DLGAP1: variants seen among roughly 807,000 people sequenced by gnomAD.
The protein encoded by DLGAP1 is DLG associated protein 1.
DLGAP1 carries 11 observed loss-of-function variants against 90.8 expected under a neutral mutation model. The ratio of observed to expected loss-of-function variants is 0.12; its 90% CI spans 0.08 to 0.20. The LOEUF is 0.20. DLGAP1 is among the 10% of genes least tolerant of loss of function. The pLI is 1.00. For missense variants in DLGAP1, 1,050 were observed against 1,333.8 expected (o/e 0.79, Z 3.31); for synonymous variants, 558 against 540.7 (o/e 1.03, Z -0.44).
rs534114989 is a variant in DLGAP1 at position 4,131,223 on chromosome 18, C to T, written c.-159+19957G>A. Among the ~76,000 whole-genome samples, 8 of 150,966 alleles carry T rather than the reference C, an allele frequency of 5.3e-5. No individual in the cohort carries two copies. In the East Asian group the frequency reaches 5.8e-4, roughly 11 times the overall value. On this transcript the variant is annotated intron_variant, in intron 2 of 12. Coordinates refer to ENST00000315677, the MANE Select transcript of DLGAP1 (RefSeq NM_004746.4). Reference sequence around the variant, plus strand: ...GTGTGTGTGTGTGTGCGTGCAAGCACGTGTAAGAGAGAGAGCAAGAACAGT... The same window carrying T: ...GTGTGTGTGTGTGTGCGTGCAAGCATGTGTAAGAGAGAGAGCAAGAACAGT...
At chr18:4,445,207 A>G (rs1451997684) in intron 1 of DLGAP1, among the ~76,000 whole-genome samples, 3 of 152,190 alleles carry the variant, frequency 2.0e-5, no homozygotes, top group African/African-American at 4.8e-5. Context: ...CCAAATGCTT[A>G]GATGTTCCAG....
At position 3,534,550 on chromosome 18, in the gene DLGAP1, T is replaced by A. The variant is rs963658221; in HGVS notation, c.2123A>T (p.Asp708Val). 6.2e-7 allele frequency: 1 copy of A among 1,613,738 alleles called. No homozygotes were observed. ...AGATTCCAGAGAATTTTCCAGATTA[T>A]CATGGAAGTCCAGGTCGGCCTGTAC... is the stretch of plus-strand genomic sequence containing the variant. ...TAVQADLDFH[D>V]NLENSLESIE... Residue 708 changes from aspartate to valine, a missense_variant, in exon 10 of 13, where the codon GAT becomes GTT. Around this residue, in one of 2 missense-constraint regions of DLGAP1, gnomAD observed 565 missense variants for 879.7 expected, o/e 0.64. Transcript: ENST00000315677.
chr18:4,240,882 C>T (rs1331203907), intron 1 of DLGAP1, among the ~76,000 whole-genome samples: 2 of 152,178 alleles, frequency 1.3e-5, no homozygotes, highest in African/African-American at 4.8e-5. Context: ...TACGAACTTA[C>T]ACAATTTCAT....
chr18:3,601,545 GA>G (rs2057024073), intron 7 of DLGAP1, among the ~76,000 whole-genome samples: 1 of 151,648 alleles, frequency 6.6e-6, no homozygotes, highest in Non-Finnish European at 1.5e-5. Context: ...TTCACAGATA[GA>G]AAAATAAAAC....
intron 2 of DLGAP1, among the ~76,000 whole-genome samples, chr18:4,091,027 G>T (rs1301315019): frequency 6.6e-6 from 1 of 152,202 alleles, no homozygotes; most frequent in Non-Finnish European, 1.5e-5. Context: ...TCATTCAAAA[G>T]TGGGAGCTGA....
chr18:3,794,817 A>G (rs528289880), intron 5 of DLGAP1, among the ~76,000 whole-genome samples: 1 of 152,210 alleles, frequency 6.6e-6, no homozygotes, highest in Non-Finnish European at 1.5e-5. Context: ...TTCTCAGCAC[A>G]TAGGATCTGG....
At chr18:4,060,651 G>A (rs1195268807) in intron 2 of DLGAP1, among the ~76,000 whole-genome samples, 1 of 152,112 alleles carries the variant, frequency 6.6e-6, no homozygotes, top group East Asian at 1.9e-4. Context: ...ACAACTTGCA[G>A]TACAAACAAC....
rs147083521 is a variant in DLGAP1, at chr18:4,184,567, G to A, written c.-266-33280C>T. On this transcript the variant is annotated intron_variant, in intron 1 of 12. Transcript: ENST00000315677. ...TAACCCTCACAGACATGCCGATTTC[G>A]TTCAATGGTATTTCTAATCACCGAT... Among the ~76,000 whole-genome samples the A allele has an allele frequency of 1.5e-3, 234 of 152,036 alleles. 2 individuals carry two copies. Among genetic ancestry groups the A allele is most frequent in the African/African-American group, 4.7e-3 (193 of 41,486 alleles).
At chr18:3,530,982 A>G (rs904425566) in intron 10 of DLGAP1, among the ~76,000 whole-genome samples, 2 of 152,154 alleles carry the variant, frequency 1.3e-5, no homozygotes, top group Admixed American at 1.3e-4. Context: ...GAGTGGACAC[A>G]GTGAAGATAT....
At chr18:4,142,597 T>C (rs1392197420) in intron 2 of DLGAP1, among the ~76,000 whole-genome samples, 2 of 152,224 alleles carry the variant, frequency 1.3e-5, no homozygotes, top group Non-Finnish European at 2.9e-5. Context: ...TTCTAAATTA[T>C]TTCTGACATA....
At position 4,213,116 on chromosome 18, in the gene DLGAP1, G is replaced by A. The variant is rs114331356; in HGVS notation, c.-266-61829C>T. On this transcript the variant is annotated intron_variant, in intron 1 of 12. Transcript: ENST00000315677. ...CAAAGCATGAAATTAGACTTTGAAGGTATAAAGATTAATGAGATACAGTCT... is the reference window on the plus strand; with the variant it reads ...CAAAGCATGAAATTAGACTTTGAAGATATAAAGATTAATGAGATACAGTCT... Among the ~76,000 whole-genome samples the A allele has an allele frequency of 6.2e-3, 951 of 152,240 alleles. 6 individuals carry two copies. The highest frequency in any genetic ancestry group is 0.022 in the African/African-American group (911 of 41,544).
intron 3 of DLGAP1, among the ~76,000 whole-genome samples, chr18:3,954,257 C>T (rs1030075996): frequency 3.9e-4 from 59 of 152,190 alleles, no homozygotes; most frequent in African/African-American, 1.4e-3. Flanking sequence ...AAATATTTCT[C>T]ATTTCATAAT....
rs148434174 is a variant in DLGAP1 at position 3,729,334 on chromosome 18, G to A, written c.1392C>T (p.Cys464=). 2.5e-5 allele frequency: 41 copies of A among 1,613,804 alleles called. No homozygotes were observed. Among genetic ancestry groups the A allele is most frequent in the African/African-American group, 4.0e-5 (3 of 74,924 alleles). ...MEVNGQFESV[C]ESVFSELESQ... ...ACTCCAGCTCGCTGAACACGGACTC[G>A]CACACGGACTCGAACTGCCCGTTCA... The change falls in exon 7 of 13, where the codon TGC becomes TGT. Residue 464 remains cysteine (C), a synonymous_variant. Coordinates refer to ENST00000315677, the MANE Select transcript of DLGAP1 (RefSeq NM_004746.4). This position sits in a 1 kb window ranked among gnomAD's most constrained non-coding sequence, Gnocchi z 6.2.
intron 1 of DLGAP1, among the ~76,000 whole-genome samples, chr18:4,361,909 A>G (rs559644055): frequency 2.0e-5 from 3 of 152,348 alleles, no homozygotes; most frequent in Non-Finnish European, 4.4e-5. Context: ...GACCTAATTT[A>G]AAAGTATGCA....
chr18:4,179,106 A>C (rs940467193), intron 1 of DLGAP1, among the ~76,000 whole-genome samples: 1 of 152,228 alleles, frequency 6.6e-6, no homozygotes, highest in Admixed American at 6.5e-5. Flanking sequence ...ACAACAAAGC[A>C]GAGATTAAAA....
At chr18:3,898,376 T>TTA (rs1466631336) in intron 3 of DLGAP1, among the ~76,000 whole-genome samples, 1 of 152,218 alleles carries the variant, frequency 6.6e-6, no homozygotes, top group African/African-American at 2.4e-5. Context: ...TCCCACTTAA[T>TTA]TATCACAGCA....
chr18:3,643,153 T>C (rs1295684236), intron 7 of DLGAP1, among the ~76,000 whole-genome samples: 1 of 151,992 alleles, frequency 6.6e-6, no homozygotes, highest in African/African-American at 2.4e-5. Context: ...ATTTCCAGAA[T>C]ATACTACAGA....
At position 3,879,740 on chromosome 18, in the gene DLGAP1, T is replaced by C. The variant is rs761431606; in HGVS notation, c.329A>G (p.Gln110Arg). 6.2e-7 allele frequency: 1 copy of C among 1,608,222 alleles called. No homozygotes were observed. The highest frequency in any genetic ancestry group is 8.5e-7 in the Non-Finnish European group (1 of 1,179,878). ...PANLLDQFERQLPLSRDGYHT... is the reference protein window; with the variant it reads ...PANLLDQFERRLPLSRDGYHT... ...ATAGCCATCGCGGCTGAGTGGCAGCTGCCGCTCGAACTGGTCCAGCAGGTT... is the reference window on the plus strand; with the variant it reads ...ATAGCCATCGCGGCTGAGTGGCAGCCGCCGCTCGAACTGGTCCAGCAGGTT... The change falls in exon 4 of 13, where the codon CAG becomes CGG. Residue 110 changes from glutamine to arginine, a missense_variant. By Grantham distance (43) the Gln-to-Arg change is conservative. Transcript: ENST00000315677. The surrounding 1 kb of genome is among the most constrained non-coding windows in gnomAD (Gnocchi z 6.6).
At position 3,742,326 on chromosome 18, in the gene DLGAP1, G is replaced by A. The variant is rs373324108; in HGVS notation, c.1350+9C>T. ...GGCTCCTGACCACCGCTGCCCTGAC[G>A]GCCCTCACCTGGCTGATGGTGCTCA... On this transcript the variant is annotated intron_variant, in intron 6 of 12. Transcript: ENST00000315677. The A allele has an allele frequency of 2.5e-6, 4 of 1,610,970 alleles. No individual in the cohort carries two copies. The highest frequency in any genetic ancestry group is 2.7e-5 in the African/African-American group (2 of 74,846).
Sources: gnomAD v4.1 joint callset for allele counts (sites outside exome capture counted in the v4.1 genomes callset) on GRCh38, gnomAD v4.1.1 for gene constraint, gnomAD v4.1.1 regional missense constraint, Gnocchi (gnomAD v3.1) non-coding constraint, MANE v1.5 for transcripts, NCBI Gene and HGNC (gene_info 2026-07-23, HGNC 2026-07-21) for gene names.